The following NPRL3 variants were observed in gnomAD, a reference collection of about 807,000 sequenced individuals.
The protein encoded by NPRL3 is NPR3 like, GATOR1 complex subunit, also known as GATOR1 complex protein NPRL3.
Under a neutral mutation model 57.2 loss-of-function variants are expected in NPRL3, and 23 were observed. That is an observed-to-expected ratio of 0.40 (90% CI 0.29 to 0.57). NPRL3 has a LOEUF of 0.57. NPRL3 is among the 20% of genes least tolerant of loss of function. NPRL3 has a pLI of 0.42. For missense variants in NPRL3, 691 were observed against 767.1 expected (o/e 0.90, Z 1.17); for synonymous variants, 333 against 321.1 (o/e 1.04, Z -0.39).
chr16:94,112 A>C (rs1347334877), intron 9 of NPRL3, among the ~76,000 whole-genome samples: 2 of 151,806 alleles, frequency 1.3e-5, no homozygotes, highest in African/African-American at 4.8e-5. Flanking sequence ...GTCACTCAGC[A>C]TGCCACCCCT....
chr16:131,108 G>A (rs980374566), intron 2 of NPRL3, among the ~76,000 whole-genome samples: 3 of 152,244 alleles, frequency 2.0e-5, no homozygotes, highest in Non-Finnish European at 4.4e-5. Flanking sequence ...GCCAAGGTGG[G>A]TGGATCACCT....
At chr16:97,508 G>A (rs1177182499) in intron 9 of NPRL3, among the ~76,000 whole-genome samples, 4 of 150,284 alleles carry the variant, frequency 2.7e-5, no homozygotes, top group South Asian at 2.1e-4. Context: ...ACAGGCATGA[G>A]CCACCGTGCC....
intron 8 of NPRL3, among the ~76,000 whole-genome samples, chr16:99,257 A>C (rs978815074): frequency 1.3e-5 from 2 of 152,214 alleles, no homozygotes; most frequent in African/African-American, 4.8e-5. Context: ...CAATGTGCCC[A>C]GATATATTTT....
In NPRL3 at chr16:89,757, C is replaced by A. The variant is rs767317111; in HGVS notation, c.1307G>T (p.Gly436Val). ...GGCGTTGGGCGTGCTGAGGCTGCGACCGCCGACCCGGGCAGTGAAGGGGAC... is the reference window on the plus strand; with the variant it reads ...GGCGTTGGGCGTGCTGAGGCTGCGAACGCCGACCCGGGCAGTGAAGGGGAC... ...DDVPFTARVG[G>V]RSLSTPNALS... The change falls in exon 12 of 14, where the codon GGT (glycine) becomes GTT (valine). Residue 436 changes from glycine to valine, a missense_variant. Physicochemically the swap from Gly to Val is moderately radical, Grantham distance 109. Transcript: ENST00000611875. 1.9e-6 allele frequency: 3 copies of A among 1,596,422 alleles called. No homozygotes were observed. Among genetic ancestry groups the A allele is most frequent in the Non-Finnish European group, 2.6e-6 (3 of 1,174,034 alleles).
intron 2 of NPRL3, 80 bp from the exon 3 acceptor site, chr16:130,671 G>T: frequency 7.3e-7 from 1 of 1,375,220 alleles, no homozygotes; most frequent in Non-Finnish European, 1.0e-6. Flanking sequence ...ACCGTTAACA[G>T]CCATGTTTTC....
At chr16:134,483 G>T (rs892686177) in intron 2 of NPRL3, among the ~76,000 whole-genome samples, 5 of 152,060 alleles carry the variant, frequency 3.3e-5, no homozygotes, top group Admixed American at 2.6e-4. Flanking sequence ...TGAACGGGAA[G>T]ATTCAACATA....
chr16:130,646 C>G, intron 2 of NPRL3, 55 bp from the exon 3 acceptor site: 1 of 1,516,448 alleles, frequency 6.6e-7, no homozygotes, highest in South Asian at 1.2e-5. Context: ...CTTCCACACA[C>G]AGGAGGGTTA....
chr16:100,847 T>A (rs1596509315), intron 7 of NPRL3, among the ~76,000 whole-genome samples: 1 of 149,948 alleles, frequency 6.7e-6, no homozygotes, highest in Middle Eastern at 3.4e-3. Context: ...GGCGGGCGCC[T>A]GTAGTCCCAG....
intron 7 of NPRL3, among the ~76,000 whole-genome samples, chr16:110,125 C>T (rs981540253): frequency 6.6e-5 from 10 of 152,080 alleles, no homozygotes; most frequent in South Asian, 2.1e-4. Context: ...CACAACTAGC[C>T]GGGTGTGGTG....
At chr16:126,236 C>CATGG (rs1900508634) in intron 3 of NPRL3, 1 of 145,982 alleles carries the variant, frequency 6.9e-6, no homozygotes, top group African/African-American at 2.6e-5. Context: ...GCCTGGCCAA[C>CATGG]ATGGAGAAAC....
rs1334215871 is a variant in NPRL3, at chr16:85,491, C to G, written c.*1214G>C. ...CTTCGCAGCACCCTCCGGAAAGGCA[C>G]CGCCAGCCGTGTCCTCAAGGACCGC... On this transcript the variant is annotated 3_prime_UTR_variant, in exon 14 of 14. Transcript: ENST00000611875. 1.2e-6 allele frequency: 2 copies of G among 1,613,128 alleles called. No individual in the cohort carries two copies. Among genetic ancestry groups the G allele is most frequent in the African/African-American group, 2.7e-5 (2 of 74,948 alleles).
chr16:106,986 AG>A (rs1241016880), intron 7 of NPRL3, among the ~76,000 whole-genome samples: 1 of 152,118 alleles, frequency 6.6e-6, no homozygotes, highest in Non-Finnish European at 1.5e-5. Flanking sequence ...GGGTACAGGG[AG>A]GGTACTACTG....
chr16:100,431 G>A lies in NPRL3; in HGVS notation c.708C>T (p.His236=), dbSNP rs1899230338. The change falls in exon 8 of 14, where the codon CAC becomes CAT. Residue 236 remains histidine (H), a synonymous_variant. Transcript: ENST00000611875. ...GGGGGATCAGACTGGAGGCCGCATA[G>A]TGGATCTTGTGGGGCAGGCAGAAGC... ...EVSFCLPHKI[H]YAASSLIPPE... is the part of the protein sequence containing the mutation. 6.2e-7 allele frequency: 1 copy of A among 1,606,314 alleles called. No individual in the cohort carries two copies. The highest frequency in any genetic ancestry group is 1.1e-5 in the South Asian group (1 of 89,744).
In NPRL3 at chr16:93,755, A is replaced by G. The variant is rs923365481; in HGVS notation, c.925-430T>C. Among the ~76,000 whole-genome samples the G allele has an allele frequency of 7.9e-5, 12 of 152,232 alleles. No homozygotes were observed. The South Asian group carries it at 8.3e-4, about 11-fold the overall frequency. Reference sequence around the variant, plus strand: ...TAATTTTTGTATTTTTAGTAGAGACAGGGTTTCACCATGTTGGCCAGGATG... The same window carrying G: ...TAATTTTTGTATTTTTAGTAGAGACGGGGTTTCACCATGTTGGCCAGGATG... On this transcript the variant is annotated intron_variant, in intron 9 of 13. Coordinates refer to ENST00000611875, the MANE Select transcript of NPRL3 (RefSeq NM_001077350.3).
intron 11 of NPRL3, chr16:90,486 C>G (rs952517791): frequency 1.3e-5 from 2 of 152,556 alleles, no homozygotes; most frequent in Admixed American, 6.5e-5. Flanking sequence ...CACCCCCACC[C>G]CCACCGTGAG....
Position 85,561 on chromosome 16 carries a change from C to T in NPRL3, c.*1144G>A, listed in dbSNP as rs745421576. 2.4e-5 allele frequency: 38 copies of T among 1,613,430 alleles called. No individual in the cohort carries two copies. The highest frequency in any genetic ancestry group is 3.1e-5 in the Non-Finnish European group (37 of 1,179,998). ...CCAAGCTGTGCCAGGCCCTGGCCAT[C>T]AACAAGAGCTTTGACCAGAGGGACC... On this transcript the variant is annotated 3_prime_UTR_variant, in exon 14 of 14. Transcript: ENST00000611875.
At chr16:130,387 G>C in intron 3 of NPRL3, 135 bp downstream of exon 3, 1 of 834,662 alleles carries the variant, frequency 1.2e-6, no homozygotes, top group Non-Finnish European at 1.9e-6. Context: ...CACTACCTGA[G>C]AGCACCCACT....
rs1228234366 is a variant in NPRL3, at chr16:86,332, G to A, written c.*373C>T. On this transcript the variant is annotated 3_prime_UTR_variant, in exon 14 of 14. Coordinates refer to ENST00000611875, the MANE Select transcript of NPRL3 (RefSeq NM_001077350.3). ...ATTCTTCAGGGTGGCCACAGACTGG[G>A]GGGTCCAAGGAGCAGGTGTAGGGAC... The A allele has an allele frequency of 4.6e-5, 10 of 219,636 alleles. No homozygotes were observed. Among genetic ancestry groups the A allele is most frequent in the Non-Finnish European group, 7.3e-5 (8 of 109,730 alleles). 13.6% of individuals were successfully genotyped at this position (219,636 alleles called of 1,614,324 possible). A position where few individuals can be genotyped will look rare whatever the true frequency, so the allele number is the denominator to read the frequency against.
intron 5 of NPRL3, 116 bp downstream of exon 5, chr16:117,185 G>A: frequency 2.9e-6 from 2 of 678,750 alleles, no homozygotes; most frequent in South Asian, 1.9e-5. Context: ...TGCACCCCAG[G>A]AGGGGCCAGC....
Sources: gnomAD v4.1 joint callset for allele counts (sites outside exome capture counted in the v4.1 genomes callset) on GRCh38, gnomAD v4.1.1 for gene constraint, MANE v1.5 for transcripts, NCBI Gene and HGNC (gene_info 2026-07-23, HGNC 2026-07-21) for gene names.